OTOP1: variants seen among roughly 807,000 people sequenced by gnomAD.
The protein encoded by OTOP1 is otopetrin 1, also known as proton channel OTOP1.
OTOP1 carries 59 observed loss-of-function variants against 52.9 expected under a neutral mutation model. The ratio of observed to expected loss-of-function variants is 1.12; its 90% CI spans 0.91 to 1.39. The LOEUF is 1.39. Ranked by LOEUF, OTOP1 falls within the 40% of genes most tolerant of loss-of-function variation. OTOP1 has a pLI of 0.00. For missense variants in OTOP1, 761 were observed against 800.9 expected (o/e 0.95, Z 0.60); for synonymous variants, 317 against 337.7 (o/e 0.94, Z 0.67).
chr4:4,222,020 A>G (rs566709408), intron 1 of OTOP1, among the ~76,000 whole-genome samples: 1 of 152,112 alleles, frequency 6.6e-6, no homozygotes, highest in Admixed American at 6.5e-5. Flanking sequence ...TCATCCACCC[A>G]TCTAGTCATC....
At chr4:4,221,466 C>T (rs1392236955) in intron 1 of OTOP1, among the ~76,000 whole-genome samples, 1 of 150,584 alleles carries the variant, frequency 6.6e-6, no homozygotes, top group African/African-American at 2.5e-5. Flanking sequence ...GAAGACTGTG[C>T]AGGTGTTGCC....
intron 4 of OTOP1, 77 bp downstream of exon 4, chr4:4,202,371 C>G: frequency 6.3e-7 from 1 of 1,595,390 alleles, no homozygotes; most frequent in South Asian, 1.1e-5. Flanking sequence ...CACTCCATCT[C>G]TGAACTCTGT....
chr4:4,198,798 G>A (rs547431958), intron 4 of OTOP1, among the ~76,000 whole-genome samples: 19 of 152,070 alleles, frequency 1.2e-4, no homozygotes, highest in Admixed American at 4.6e-4. Flanking sequence ...GATGAAACAG[G>A]TCACCAAAGC....
chr4:4,212,133 A>C (rs1008083776), intron 2 of OTOP1, among the ~76,000 whole-genome samples: 2 of 152,228 alleles, frequency 1.3e-5, no homozygotes, highest in African/African-American at 4.8e-5. Context: ...CTGACAATTC[A>C]ATAGTTCAGA....
intron 1 of OTOP1, among the ~76,000 whole-genome samples, chr4:4,220,102 TA>T (rs1342959698): frequency 0.38 from 32,643 of 85,534 alleles, 6,984 homozygotes; most frequent in Non-Finnish European, 0.44. Context: ...TATATATATA[TA>T]TATTTTTTTT....
chr4:4,219,512 C>A (rs7675199), intron 1 of OTOP1, among the ~76,000 whole-genome samples: 1 of 151,534 alleles, frequency 6.6e-6, no homozygotes, highest in Admixed American at 6.6e-5. Flanking sequence ...CCATCCTGGC[C>A]AACACGGTGA....
intron 1 of OTOP1, among the ~76,000 whole-genome samples, chr4:4,221,561 A>C (rs1717301423): frequency 6.6e-6 from 1 of 152,048 alleles, no homozygotes; most frequent in Non-Finnish European, 1.5e-5. Context: ...TGCTGTACTG[A>C]TTACTCTGTC....
At chr4:4,211,487 A>G (rs1270115991) in intron 2 of OTOP1, among the ~76,000 whole-genome samples, 3 of 152,222 alleles carry the variant, frequency 2.0e-5, no homozygotes, top group Non-Finnish European at 2.9e-5. Flanking sequence ...TTGCAACAAC[A>G]TGGGCAAATC....
At chr4:4,212,765 A>G in intron 2 of OTOP1, 103 bp downstream of exon 2, 28 of 1,333,984 alleles carry the variant, frequency 2.1e-5, no homozygotes, top group Non-Finnish European at 3.0e-5. Context: ...ACAGCTGTGC[A>G]CACTGTCTCC....
chr4:4,223,409 AGATG>A (rs35580858), intron 1 of OTOP1, among the ~76,000 whole-genome samples: 79 of 149,110 alleles, frequency 5.3e-4, no homozygotes, highest in South Asian at 3.7e-3. Flanking sequence ...ATGGACGGAC[AGATG>A]GATGGATGGA....
rs1179722337 is a variant in OTOP1, at chr4:4,202,512, T to C, written c.666A>G (p.Ser222=). The stretch of plus-strand genomic sequence containing the variant: ...CCTTGTGCTCATTGAGTTGGTGCTT[T>C]GACTCATTGAGGACGCCATTGGCCC... ...LLWANGVLNE[S]KHQLNEHKER... The change falls in exon 4 of 6, where the codon TCA becomes TCG. Residue 222 remains serine, a synonymous_variant. Transcript: ENST00000296358. 8 of 1,614,124 alleles carry C rather than the reference T, an allele frequency of 5.0e-6. No homozygotes were observed. The highest frequency in any genetic ancestry group is 1.6e-4 in the Middle Eastern group (1 of 6,062).
At chr4:4,219,419 T>C (rs1040313890) in intron 1 of OTOP1, among the ~76,000 whole-genome samples, 5 of 152,102 alleles carry the variant, frequency 3.3e-5, no homozygotes, top group African/African-American at 1.2e-4. Context: ...AAAAGACAGA[T>C]TGCCGGGCGC....
At chr4:4,219,408 T>C (rs1284357446) in intron 1 of OTOP1, among the ~76,000 whole-genome samples, 1 of 152,170 alleles carries the variant, frequency 6.6e-6, no homozygotes, top group Non-Finnish European at 1.5e-5. Flanking sequence ...CTACATATGA[T>C]AAAAGACAGA....
chr4:4,211,999 G>T lies in OTOP1; in HGVS notation c.540+869C>A, dbSNP rs1344304252. On this transcript the variant is annotated intron_variant, in intron 2 of 5. Coordinates refer to ENST00000296358, the MANE Select transcript of OTOP1 (RefSeq NM_177998.3). ...CCTTACCATACCCAAAAAAAGAAAGGCAACTATGTGAGATGACAGACATAA... is the reference window on the plus strand; with the variant it reads ...CCTTACCATACCCAAAAAAAGAAAGTCAACTATGTGAGATGACAGACATAA... Among the ~76,000 whole-genome samples the T allele has an allele frequency of 2.0e-5, 3 of 151,988 alleles. No individual in the cohort carries two copies. In the South Asian group the frequency reaches 6.2e-4, roughly 32 times the overall value.
intron 3 of OTOP1, among the ~76,000 whole-genome samples, chr4:4,205,135 G>T (rs1219976059): frequency 1.3e-5 from 2 of 152,152 alleles, no homozygotes; most frequent in African/African-American, 4.8e-5. Flanking sequence ...CCATTACCCT[G>T]TCGATTCTTT....
Position 4,188,731 on chromosome 4 carries a change from C to T in OTOP1, c.*72G>A, listed in dbSNP as rs1716412884. On this transcript the variant is annotated 3_prime_UTR_variant, in exon 6 of 6. Coordinates refer to ENST00000296358, the MANE Select transcript of OTOP1 (RefSeq NM_177998.3). Reference sequence around the variant, plus strand: ...CTCATATTTGTCAGGCAATATTTGCCCAACCTGGCCACTCCTAGTTGGCTC... The same window carrying T: ...CTCATATTTGTCAGGCAATATTTGCTCAACCTGGCCACTCCTAGTTGGCTC... 7.2e-7 allele frequency: 1 copy of T among 1,398,232 alleles called. No homozygotes were observed. Among genetic ancestry groups the T allele is most frequent in the African/African-American group, 1.5e-5 (1 of 68,230 alleles). 86.6% of individuals were successfully genotyped at this position (1,398,232 alleles called of 1,614,324 possible).
At chr4:4,200,446 A>G (rs1716757062) in intron 4 of OTOP1, among the ~76,000 whole-genome samples, 2 of 149,196 alleles carry the variant, frequency 1.3e-5, no homozygotes, top group Non-Finnish European at 3.0e-5. Context: ...ACTGCACTCC[A>G]GCCTGGGCGA....
chr4:4,216,105 A>C (rs1388475372), intron 1 of OTOP1, among the ~76,000 whole-genome samples: 4 of 152,108 alleles, frequency 2.6e-5, no homozygotes, highest in African/African-American at 9.7e-5. Context: ...GGCTGAAAGT[A>C]TATTTAAAAA....
At chr4:4,199,702 C>T (rs1359390374) in intron 4 of OTOP1, among the ~76,000 whole-genome samples, 19 of 152,136 alleles carry the variant, frequency 1.2e-4, no homozygotes, top group Admixed American at 1.0e-3. Context: ...CATGAGCCAC[C>T]GCACCCGGCC....
Sources: gnomAD v4.1 joint callset for allele counts (sites outside exome capture counted in the v4.1 genomes callset) on GRCh38, gnomAD v4.1.1 for gene constraint, MANE v1.5 for transcripts, NCBI Gene and HGNC (gene_info 2026-07-23, HGNC 2026-07-21) for gene names.